ADAMTS19: variants seen among roughly 807,000 people sequenced by gnomAD.
ADAMTS19 encodes the protein A disintegrin and metalloproteinase with thrombospondin motifs 19.
A neutral mutation model predicts 153.3 loss-of-function variants in ADAMTS19; 93 were observed. The observed-to-expected ratio is 0.61, with a 90% confidence interval of 0.51 to 0.72. The LOEUF is 0.72. ADAMTS19 is among the 30% of genes least tolerant of loss of function. The pLI, the probability that ADAMTS19 is intolerant of heterozygous loss-of-function variation, is 0.00. For synonymous variants in ADAMTS19, 600 were observed against 556.6 expected, an observed-to-expected ratio of 1.08 and a Z score of -1.10; for missense variants, 1,482 against 1,552.1, an observed-to-expected ratio of 0.95 and a Z score of 0.76.
chr5:129,487,035 A>G (rs1369902348), intron 2 of ADAMTS19, among the ~76,000 whole-genome samples: 1 of 152,152 alleles, frequency 6.6e-6, no homozygotes, highest in African/African-American at 2.4e-5. Context: ...TTCACATACT[A>G]TTTCAGCTTT....
intron 21 of ADAMTS19, among the ~76,000 whole-genome samples, chr5:129,730,361 G>C (rs1367719435): frequency 1.3e-5 from 2 of 152,062 alleles, no homozygotes; most frequent in African/African-American, 4.8e-5. Flanking sequence ...GAATTCATCA[G>C]ATACAAAGAT....
At chr5:129,732,246 G>T (rs901094298) in intron 21 of ADAMTS19, among the ~76,000 whole-genome samples, 1 of 152,048 alleles carries the variant, frequency 6.6e-6, no homozygotes, top group Non-Finnish European at 1.5e-5. Flanking sequence ...GGAAAAAGTT[G>T]AATGCATTTC....
At chr5:129,703,112 T>C (rs918260249) in intron 20 of ADAMTS19, among the ~76,000 whole-genome samples, 1 of 150,688 alleles carries the variant, frequency 6.6e-6, no homozygotes, top group Non-Finnish European at 1.5e-5. Context: ...ATGTCATTAG[T>C]TCCATGCTTA....
At chr5:129,661,064 C>A (rs1373163109) in intron 15 of ADAMTS19, among the ~76,000 whole-genome samples, 1 of 152,154 alleles carries the variant, frequency 6.6e-6, no homozygotes. Flanking sequence ...TCACGTAGTT[C>A]TCAGTTCAAA....
chr5:129,505,334 G>A (rs1751235785), intron 2 of ADAMTS19, among the ~76,000 whole-genome samples: 1 of 152,126 alleles, frequency 6.6e-6, no homozygotes, highest in South Asian at 2.1e-4. Flanking sequence ...CATCCCCATA[G>A]AAGTGGGGAA....
chr5:129,687,014 C>A (rs1012559351), intron 18 of ADAMTS19, among the ~76,000 whole-genome samples: 3 of 152,082 alleles, frequency 2.0e-5, no homozygotes, highest in Admixed American at 6.6e-5. Flanking sequence ...ATTCCTGTTC[C>A]TCTGCTCCAC....
chr5:129,640,441 C>T (rs1038536024), intron 10 of ADAMTS19, among the ~76,000 whole-genome samples: 1 of 152,126 alleles, frequency 6.6e-6, no homozygotes, highest in Admixed American at 6.6e-5. Flanking sequence ...TCAAATATAT[C>T]TAATAGATTT....
At chr5:129,592,958 A>G (rs938108294) in intron 7 of ADAMTS19, among the ~76,000 whole-genome samples, 12 of 152,204 alleles carry the variant, frequency 7.9e-5, no homozygotes, top group Non-Finnish European at 1.3e-4. Context: ...TATTTTATAT[A>G]CATTTACATT....
chr5:129,506,299 A>G (rs540649129), intron 2 of ADAMTS19, among the ~76,000 whole-genome samples: 284 of 152,294 alleles, frequency 1.9e-3, no homozygotes, highest in African/African-American at 6.7e-3. Flanking sequence ...GGTGCTAAAT[A>G]TGCCAGAGTG....
chr5:129,632,992 A>C (rs1185612992), intron 10 of ADAMTS19, among the ~76,000 whole-genome samples: 1 of 130,688 alleles, frequency 7.7e-6, no homozygotes, highest in Non-Finnish European at 1.6e-5. Flanking sequence ...CTACCTCTCC[A>C]TCCTCTCCTG....
intron 21 of ADAMTS19, among the ~76,000 whole-genome samples, chr5:129,734,311 GA>G (rs1365063599): frequency 6.6e-6 from 1 of 151,402 alleles, no homozygotes; most frequent in African/African-American, 2.4e-5. Context: ...ATAAAAAAGA[GA>G]AAAAAAGTAC....
intron 6 of ADAMTS19, among the ~76,000 whole-genome samples, chr5:129,545,395 C>T (rs1477858811): frequency 3.3e-5 from 5 of 152,074 alleles, no homozygotes; most frequent in African/African-American, 1.2e-4. Context: ...GATGCAAATA[C>T]ACAAAGGTGC....
At chr5:129,635,438 A>T (rs1752491348) in intron 10 of ADAMTS19, among the ~76,000 whole-genome samples, 1 of 152,236 alleles carries the variant, frequency 6.6e-6, no homozygotes, top group Admixed American at 6.5e-5. Context: ...TTATTCTGTT[A>T]TAAAGACACA....
chr5:129,665,554 G>T lies in ADAMTS19; in HGVS notation c.2481G>T (p.Glu827Asp). 1 of 1,610,596 alleles carries T rather than the reference G, an allele frequency of 6.2e-7. No individual in the cohort carries two copies. The change falls in exon 16 of 23, where the codon GAG becomes GAT. Residue 827 changes from glutamate to aspartate, a missense_variant. Coordinates refer to ENST00000274487, the MANE Select transcript of ADAMTS19 (RefSeq NM_133638.6). ...GAGCAAGAAGAATCAAAGTTGTGGA[G>T]GAAAAGCCGGCACATAGCTATTTAG... Reference protein sequence around the residue: ...PAGARRIKVVEEKPAHSYLAL... With the variant: ...PAGARRIKVVDEKPAHSYLAL...
At chr5:129,647,969 G>T in intron 12 of ADAMTS19, 74 bp downstream of exon 12, 1 of 1,492,246 alleles carries the variant, frequency 6.7e-7, no homozygotes, top group Non-Finnish European at 9.1e-7. Context: ...GATAAAGCAT[G>T]TTGGAAAGCA....
At chr5:129,608,088 A>ATGTG (rs1351864163) in intron 8 of ADAMTS19, among the ~76,000 whole-genome samples, 9 of 99,348 alleles carry the variant, frequency 9.1e-5, no homozygotes, top group Non-Finnish European at 9.2e-5. Context: ...AATTTTATAT[A>ATGTG]TATGTGTGTG....
intron 2 of ADAMTS19, among the ~76,000 whole-genome samples, chr5:129,468,123 A>G (rs1043360242): frequency 1.9e-4 from 29 of 152,320 alleles, no homozygotes; most frequent in African/African-American, 6.7e-4. Context: ...AAGGCTAAAT[A>G]TATAGGATTC....
At chr5:129,491,916 G>A (rs999091826) in intron 2 of ADAMTS19, among the ~76,000 whole-genome samples, 1 of 152,128 alleles carries the variant, frequency 6.6e-6, no homozygotes, top group African/African-American at 2.4e-5. Flanking sequence ...TATGCATAAA[G>A]ATATAAACAT....
intron 21 of ADAMTS19, 42 bp from the exon 22 acceptor site, chr5:129,734,890 A>G: frequency 6.9e-7 from 1 of 1,446,152 alleles, no homozygotes; most frequent in African/African-American, 1.5e-5. Context: ...AGCAAAAAAT[A>G]AAAATAAAAA....
Sources: allele counts gnomAD v4.1 joint callset (sites outside exome capture counted in the v4.1 genomes callset), GRCh38; gene constraint gnomAD v4.1.1; transcripts MANE v1.5; gene names NCBI Gene and HGNC (gene_info 2026-07-23, HGNC 2026-07-21).